ADAMTS6: variants seen among roughly 807,000 people sequenced by gnomAD.
ADAMTS6 encodes the protein A disintegrin and metalloproteinase with thrombospondin motifs 6.
A neutral mutation model predicts 144.3 loss-of-function variants in ADAMTS6; 23 were observed. That is an observed-to-expected ratio of 0.16 (90% CI 0.11 to 0.23). ADAMTS6 has a LOEUF of 0.23. Among genes scored for constraint, ADAMTS6 ranks in the 10% least tolerant of loss-of-function variants. ADAMTS6 has a pLI of 1.00. For missense variants in ADAMTS6, 999 were observed against 1,379.6 expected, an observed-to-expected ratio of 0.72 and a Z score of 4.37; for synonymous variants, 444 against 457.5, an observed-to-expected ratio of 0.97 and a Z score of 0.38.
chr5:65,224,550 G>T, intron 17 of ADAMTS6, 150 bp from the exon 18 acceptor site: 1 of 676,254 alleles, frequency 1.5e-6, no homozygotes, highest in Admixed American at 2.7e-5. Flanking sequence ...TTACCCTTTG[G>T]GTTCATGAAT....
At chr5:65,375,488 C>G (rs1192394430) in intron 7 of ADAMTS6, among the ~76,000 whole-genome samples, 3 of 151,924 alleles carry the variant, frequency 2.0e-5, no homozygotes, top group African/African-American at 7.3e-5. Flanking sequence ...GACATTTATG[C>G]AGCCAAAAAA....
intron 7 of ADAMTS6, among the ~76,000 whole-genome samples, chr5:65,339,743 T>C (rs1158429244): frequency 6.6e-6 from 1 of 151,574 alleles, no homozygotes; most frequent in East Asian, 1.9e-4. Flanking sequence ...AACAACAGAC[T>C]AGATCAGGCA....
intron 12 of ADAMTS6, among the ~76,000 whole-genome samples, chr5:65,267,321 T>C (rs886347180): frequency 1.3e-5 from 2 of 152,104 alleles, no homozygotes; most frequent in African/African-American, 2.4e-5. Flanking sequence ...GTCTAAATTA[T>C]CCGGATAAAT....
intron 11 of ADAMTS6, among the ~76,000 whole-genome samples, chr5:65,283,981 T>C (rs1017261936): frequency 6.6e-6 from 1 of 152,074 alleles, no homozygotes; most frequent in Non-Finnish European, 1.5e-5. Context: ...CATTTTCTCA[T>C]TCCCTTATAT....
At chr5:65,235,647 C>G (rs1027746718) in intron 15 of ADAMTS6, among the ~76,000 whole-genome samples, 9 of 152,168 alleles carry the variant, frequency 5.9e-5, no homozygotes, top group African/African-American at 2.2e-4. Flanking sequence ...CTGGATGCTT[C>G]CTGCCCTCGA....
chr5:65,225,653 A>G (rs934947174), intron 16 of ADAMTS6, among the ~76,000 whole-genome samples: 1 of 152,218 alleles, frequency 6.6e-6, no homozygotes, highest in African/African-American at 2.4e-5. Flanking sequence ...TCAAAAGGAG[A>G]TAAAGTAGGA....
intron 7 of ADAMTS6, among the ~76,000 whole-genome samples, chr5:65,414,585 AAGCCATATG>A (rs1172600485): frequency 6.6e-6 from 1 of 152,212 alleles, no homozygotes; most frequent in African/African-American, 2.4e-5. Context: ...GATATATATA[AAGCCATATG>A]AGAGGTAAGA....
intron 11 of ADAMTS6, among the ~76,000 whole-genome samples, chr5:65,275,447 AG>A (rs1762455977): frequency 6.6e-6 from 1 of 150,760 alleles, no homozygotes; most frequent in Non-Finnish European, 1.5e-5. Flanking sequence ...GAAAAAAGAA[AG>A]AGAAAGAAAG....
intron 7 of ADAMTS6, among the ~76,000 whole-genome samples, chr5:65,399,107 A>G (rs1210056918): frequency 6.6e-6 from 1 of 151,798 alleles, no homozygotes; most frequent in Non-Finnish European, 1.5e-5. Context: ...AAGTACAAAA[A>G]TTAGCTGGGC....
At chr5:65,461,687 G>A (rs1216413418) in intron 3 of ADAMTS6, among the ~76,000 whole-genome samples, 1 of 152,194 alleles carries the variant, frequency 6.6e-6, no homozygotes, top group Non-Finnish European at 1.5e-5. Flanking sequence ...CCATGGAAGT[G>A]CCCTCAGGGG....
chr5:65,164,021 G>A (rs1270861663), intron 24 of ADAMTS6, among the ~76,000 whole-genome samples: 1 of 152,200 alleles, frequency 6.6e-6, no homozygotes, highest in Non-Finnish European at 1.5e-5. Context: ...AGACAGAGGG[G>A]GAGGAGCCAA....
intron 15 of ADAMTS6, among the ~76,000 whole-genome samples, chr5:65,241,612 T>C (rs969118764): frequency 1.3e-5 from 2 of 152,166 alleles, no homozygotes; most frequent in African/African-American, 4.8e-5. Context: ...CAGTGCCTGA[T>C]ACATGCCCAA....
intron 22 of ADAMTS6, among the ~76,000 whole-genome samples, chr5:65,187,254 G>T (rs1236559705): frequency 6.6e-6 from 1 of 152,148 alleles, no homozygotes; most frequent in Non-Finnish European, 1.5e-5. Flanking sequence ...CTGTCTCATG[G>T]ATACTGAGGA....
intron 17 of ADAMTS6, 124 bp downstream of exon 17, chr5:65,224,800 T>G: frequency 8.6e-7 from 1 of 1,167,068 alleles, no homozygotes; most frequent in Non-Finnish European, 1.2e-6. Flanking sequence ...CTGAAAGCAA[T>G]TTGGGGAAGA....
chr5:65,311,247 TA>T (rs1486258920), intron 9 of ADAMTS6, among the ~76,000 whole-genome samples: 1 of 151,994 alleles, frequency 6.6e-6, no homozygotes, highest in Non-Finnish European at 1.5e-5. Flanking sequence ...GATAATGTAA[TA>T]AAATATATAA....
At chr5:65,412,360 T>C (rs1002498052) in intron 7 of ADAMTS6, among the ~76,000 whole-genome samples, 1 of 152,000 alleles carries the variant, frequency 6.6e-6, no homozygotes, top group African/African-American at 2.4e-5. Context: ...CAGCATTATA[T>C]AGAAGTACTT....
chr5:65,198,153 C>G (rs1212080717), intron 20 of ADAMTS6, among the ~76,000 whole-genome samples: 1 of 152,066 alleles, frequency 6.6e-6, no homozygotes, highest in Non-Finnish European at 1.5e-5. Flanking sequence ...ACAGGTTACT[C>G]CTGGCAATAG....
intron 11 of ADAMTS6, among the ~76,000 whole-genome samples, chr5:65,276,377 C>CT (rs1762542141): frequency 6.6e-6 from 1 of 152,158 alleles, no homozygotes; most frequent in South Asian, 2.1e-4. Flanking sequence ...AAATGTAGAA[C>CT]TAGTCATGGA....
chr5:65,350,049 CA>C (rs944181764), intron 7 of ADAMTS6, among the ~76,000 whole-genome samples: 1 of 152,128 alleles, frequency 6.6e-6, no homozygotes, highest in Non-Finnish European at 1.5e-5. Context: ...ACTCAGAATT[CA>C]AAAATGCTAA....
Sources: allele counts gnomAD v4.1 joint callset (sites outside exome capture counted in the v4.1 genomes callset), GRCh38; gene constraint gnomAD v4.1.1; transcripts MANE v1.5; gene names NCBI Gene and HGNC (gene_info 2026-07-23, HGNC 2026-07-21).